SETD1B: variants seen among roughly 807,000 people sequenced by gnomAD.
SETD1B encodes the protein SET domain containing 1B, histone lysine methyltransferase, also known as histone-lysine N-methyltransferase SETD1B.
Under a neutral mutation model 148.0 loss-of-function variants are expected in SETD1B, and 7 were observed. The observed-to-expected ratio is 0.05, with a 90% CI of 0.03 to 0.09. The LOEUF is 0.09. Among genes scored for constraint, SETD1B ranks in the 10% least tolerant of loss-of-function variants. The probability of loss-of-function intolerance (pLI) is 1.00; values close to 1 mark genes in which losing one functional copy is unlikely to be tolerated. For synonymous variants in SETD1B, 1,361 were observed against 1,186.5 expected, an observed-to-expected ratio of 1.15 and a Z score of -3.02; for missense variants, 2,155 against 2,729.9, an observed-to-expected ratio of 0.79 and a Z score of 4.69.
rs1246337398 is a variant in SETD1B at position 121,817,501 on chromosome 12, G to A, written c.3109G>A (p.Glu1037Lys). Residue 1037 changes from glutamate (E) to lysine (K), a missense_variant, in exon 9 of 17, where the codon GAG becomes AAG. By Grantham distance (56) the Glu-to-Lys change is moderately conservative (BLOSUM62 1). This residue lies in a region of SETD1B where 289 missense variants were observed against 423.7 expected (regional missense o/e 0.68). Coordinates refer to ENST00000604567, the MANE Select transcript of SETD1B (RefSeq NM_001353345.2). The surrounding 1 kb of genome is among the most constrained non-coding windows in gnomAD (Gnocchi z 8.1). ...LELDSGGEED[E>K]KESLSASSSS... ...GCTGGACAGTGGTGGGGAGGAGGAC[G>A]AGAAGGAGTCATTGTCGGCGTCCTC... 11 of 1,551,166 alleles carry A rather than the reference G, an allele frequency of 7.1e-6. No individual in the cohort carries two copies. The African/African-American group carries it at 9.6e-5, about 14-fold the overall frequency.
At chr12:121,822,453 A>C (rs1876603131) in intron 11 of SETD1B, 37 bp from the exon 12 acceptor site, 4 of 1,497,834 alleles carry the variant, frequency 2.7e-6, no homozygotes, top group Admixed American at 2.2e-5. Context: ...GTTTGGATTG[A>C]ATAGTAAATG....
chr12:121,810,924 A>G lies in SETD1B; in HGVS notation c.1890+89A>G. 7.1e-7 allele frequency: 1 copy of G among 1,406,478 alleles called. No homozygotes were observed. Among genetic ancestry groups the G allele is most frequent in the Non-Finnish European group, 9.4e-7 (1 of 1,064,122 alleles). 87.1% of individuals were successfully genotyped at this position (1,406,478 alleles called of 1,614,324 possible). A position where few individuals can be genotyped will look rare whatever the true frequency, so the allele number is the denominator to read the frequency against. On this transcript the variant is annotated intron_variant, in intron 6 of 16. Transcript: ENST00000604567. The surrounding 1 kb of genome is among the most constrained non-coding windows in gnomAD (Gnocchi z 7.6). ...CTTCAAGCATTTAGCATGACTAGCT[A>G]AGATGCGGAAGCAATGGGGCTAGGA...
At chr12:121,813,660 C>G (rs1213882601) in intron 6 of SETD1B, among the ~76,000 whole-genome samples, 1 of 152,240 alleles carries the variant, frequency 6.6e-6, no homozygotes, top group Non-Finnish European at 1.5e-5. Context: ...TTTCTGCACA[C>G]AAGTTGCAAC....
chr12:121,809,748 C>G lies in SETD1B; in HGVS notation c.803C>G (p.Ser268Cys), dbSNP rs1360358685. 10 of 1,551,490 alleles carry G rather than the reference C, an allele frequency of 6.4e-6. No individual in the cohort carries two copies. Among genetic ancestry groups the G allele is most frequent in the Non-Finnish European group, 7.8e-6 (9 of 1,146,992 alleles). ...YSSCRLDTPN[S>C]YGQGTPLTPR... The stretch of plus-strand genomic sequence containing the variant: ...AGCTGCCGCCTGGACACACCCAACT[C>G]CTATGGACAGGGCACCCCGCTCACA... Residue 268 changes from serine to cysteine, a missense_variant, in exon 6 of 17, where the codon TCC becomes TGC. Ser to Cys is a moderately radical substitution (Grantham distance 112). This residue lies in a region of SETD1B where 376 missense variants were observed against 385.0 expected (regional missense o/e 0.98). Coordinates refer to ENST00000604567, the MANE Select transcript of SETD1B (RefSeq NM_001353345.2).
rs900339662 is a variant in SETD1B at position 121,808,707 on chromosome 12, C to T, written c.657+387C>T. Among the ~76,000 whole-genome samples, 1 of 152,206 alleles carries T rather than the reference C, an allele frequency of 6.6e-6. No homozygotes were observed. Among genetic ancestry groups the T allele is most frequent in the Non-Finnish European group, 1.5e-5 (1 of 68,036 alleles). Reference sequence around the variant, plus strand: ...CTGGGCATGCCACTACCCCTAAACCCAGAAACCAGAGTTCATGCCCTGCCT... The same window carrying T: ...CTGGGCATGCCACTACCCCTAAACCTAGAAACCAGAGTTCATGCCCTGCCT... On this transcript the variant is annotated intron_variant, in intron 5 of 16. Coordinates refer to ENST00000604567, the MANE Select transcript of SETD1B (RefSeq NM_001353345.2). The surrounding 1 kb of genome is among the most constrained non-coding windows in gnomAD (Gnocchi z 5.3).
rs545213878 is a variant in SETD1B at position 121,830,326 on chromosome 12, G to T, written c.*87G>T. 1.5e-6 allele frequency: 2 copies of T among 1,328,152 alleles called. No individual in the cohort carries two copies. Among genetic ancestry groups the T allele is most frequent in the African/African-American group, 1.5e-5 (1 of 67,682 alleles). The allele number at this position is 1,328,152 out of a possible 1,614,324, so 82.3% of individuals were successfully genotyped here. On this transcript the variant is annotated 3_prime_UTR_variant, in exon 17 of 17. Coordinates refer to ENST00000604567, the MANE Select transcript of SETD1B (RefSeq NM_001353345.2). The surrounding 1 kb of genome is among the most constrained non-coding windows in gnomAD (Gnocchi z 5.7). The stretch of plus-strand genomic sequence containing the variant: ...CTGGCCCCGGGGCCCGGCCCCCCGC[G>T]CCCGCCCCCATTTCAGGTGCTGTCC...
rs977040584 is a variant in SETD1B, at chr12:121,817,741, C to T, written c.3312+37C>T. ...GCCAGGAAGCCTCAGGGGGCCGGGC[C>T]AGGCGACGAGGGCCAGACCCTTCGG... On this transcript the variant is annotated intron_variant, in intron 9 of 16. Transcript: ENST00000604567. This position sits in a 1 kb window ranked among gnomAD's most constrained non-coding sequence, Gnocchi z 8.1. 1.0e-5 allele frequency: 16 copies of T among 1,536,644 alleles called. No homozygotes were observed. The African/African-American group carries it at 2.2e-4, about 21-fold the overall frequency.
rs1457265572 is a variant in SETD1B at position 121,804,450 on chromosome 12, G to A, written c.-15+217G>A. ...GGGCCGGAGTCCGCGTCCTCCGGGC[G>A]CCCCGGGCCCCGCCAGCCCGCCCAG... is the stretch of plus-strand genomic sequence containing the variant. On this transcript the variant is annotated intron_variant, in intron 1 of 16. Transcript: ENST00000604567. The surrounding 1 kb of genome is among the most constrained non-coding windows in gnomAD (Gnocchi z 4.6). 6.7e-6 allele frequency among the ~76,000 whole-genome samples: 1 copy of A among 150,046 alleles called. No individual in the cohort carries two copies.
intron 5 of SETD1B, among the ~76,000 whole-genome samples, chr12:121,809,340 T>A (rs1875899975): frequency 6.6e-6 from 1 of 152,310 alleles, no homozygotes; most frequent in African/African-American, 2.4e-5. Context: ...ACCAAGATGT[T>A]ACAGTCTTCT....
upstream of SETD1B, chr12:121,800,590 G>A (rs1269593164): frequency 6.6e-6 from 1 of 151,380 alleles, no homozygotes; most frequent in Non-Finnish European, 1.5e-5. Context: ...AAGCGGTCCG[G>A]GGCGAGGCCT....
At chr12:121,807,205 G>A (rs532552729) in intron 4 of SETD1B, among the ~76,000 whole-genome samples, 1 of 152,124 alleles carries the variant, frequency 6.6e-6, no homozygotes, top group Admixed American at 6.5e-5. Context: ...CACACTTGCC[G>A]AGCCTGTGCC....
chr12:121,793,468 C>G, the SETD1B span: 2 of 1,538,660 alleles, frequency 1.3e-6, no homozygotes, highest in Non-Finnish European at 1.7e-6. Context: ...GTCCCTCGCC[C>G]CCACCCCAGC....
chr12:121,814,659 C>A lies in SETD1B; in HGVS notation c.2444C>A (p.Pro815Gln), dbSNP rs1420032279. ...ASAGLQFVNL[P>Q]PYRGPFSLSN... Reference sequence around the variant, plus strand: ...GCTGGGCTCCAGTTTGTCAACCTGCCGCCCTACCGGGGCCCCTTCTCCCTG... The same window carrying A: ...GCTGGGCTCCAGTTTGTCAACCTGCAGCCCTACCGGGGCCCCTTCTCCCTG... Residue 815 changes from proline to glutamine, a missense_variant, in exon 7 of 17, where the codon CCG becomes CAG. Around this residue, in one of 11 missense-constraint regions of SETD1B, gnomAD observed 289 missense variants for 423.7 expected, o/e 0.68. Transcript: ENST00000604567. 10 of 1,548,982 alleles carry A rather than the reference C, an allele frequency of 6.5e-6. No homozygotes were observed. The highest frequency in any genetic ancestry group is 8.7e-6 in the Non-Finnish European group (10 of 1,146,250).
Position 121,817,592 on chromosome 12 carries a change from A to G in SETD1B, c.3200A>G (p.Lys1067Arg). 5 of 1,550,274 alleles carry G rather than the reference A, an allele frequency of 3.2e-6. No homozygotes were observed. The highest frequency in any genetic ancestry group is 4.4e-6 in the Non-Finnish European group (5 of 1,146,096). The change falls in exon 9 of 17, where the codon AAG becomes AGG. Residue 1067 changes from lysine to arginine, a missense_variant. By Grantham distance (26) the Lys-to-Arg change is conservative. Around this residue, in one of 11 missense-constraint regions of SETD1B, gnomAD observed 862 missense variants for 873.8 expected, o/e 0.99. Coordinates refer to ENST00000604567, the MANE Select transcript of SETD1B (RefSeq NM_001353345.2). This position sits in a 1 kb window ranked among gnomAD's most constrained non-coding sequence, Gnocchi z 8.1. The stretch of plus-strand genomic sequence containing the variant: ...TCACCCTCGTCCTCGGCCTCCGACA[A>G]GGAGGAGGAACAGGAGAGCACCGAG... ...TTSPSSSASDKEEEQESTEEE... is the reference protein window; with the variant it reads ...TTSPSSSASDREEEQESTEEE...
Position 121,819,887 on chromosome 12 carries a change from G to A in SETD1B, c.3902G>A (p.Arg1301Gln), listed in dbSNP as rs902806593. 1.2e-4 allele frequency: 193 copies of A among 1,550,010 alleles called. No individual in the cohort carries two copies. Among genetic ancestry groups the A allele is most frequent in the Non-Finnish European group, 1.6e-4 (182 of 1,146,552 alleles). The stretch of plus-strand genomic sequence containing the variant: ...GCTCGACCCCCATTGTCCCCTGAGC[G>A]AGCTCCAGGTAACACCTGCAACCCC... ...VEARPPLSPERAPEHDLEVEP... is the reference protein window; with the variant it reads ...VEARPPLSPEQAPEHDLEVEP... The change falls in exon 11 of 17, where the codon CGA (arginine) becomes CAA (glutamine). Residue 1301 changes from arginine to glutamine, a missense_variant. By Grantham distance (43) the Arg-to-Gln change is conservative (BLOSUM62 1). Transcript: ENST00000604567.
chr12:121,822,664 A>T lies in SETD1B; in HGVS notation c.4085A>T (p.His1362Leu). ...PEPLAEDHPPHTPGLCGSLAK... is the reference protein window; with the variant it reads ...PEPLAEDHPPLTPGLCGSLAK... Reference sequence around the variant, plus strand: ...CCCCTTGCCGAGGACCACCCCCCGCATACTCCAGGCCTCTGTGGCAGCCTG... The same window carrying T: ...CCCCTTGCCGAGGACCACCCCCCGCTTACTCCAGGCCTCTGTGGCAGCCTG... Residue 1362 changes from histidine (H) to leucine (L), a missense_variant, in exon 12 of 17, where the codon CAT becomes CTT. This residue lies in a region of SETD1B where 862 missense variants were observed against 873.8 expected (regional missense o/e 0.99). Transcript: ENST00000604567. The T allele has an allele frequency of 6.5e-7, 1 of 1,550,056 alleles. No homozygotes were observed. Among genetic ancestry groups the T allele is most frequent in the Non-Finnish European group, 8.7e-7 (1 of 1,146,086 alleles).
Position 121,827,828 on chromosome 12 carries a change from G to A in SETD1B, c.5563G>A (p.Glu1855Lys). Reference protein sequence around the residue: ...EPIAADEMVIEYVGQNIRQVI... With the variant: ...EPIAADEMVIKYVGQNIRQVI... ...CATCGCGGCTGACGAGATGGTCATC[G>A]AGTACGTGGGCCAGAATATCCGTCA... The change falls in exon 15 of 17, where the codon GAG becomes AAG. Residue 1855 changes from glutamate to lysine, a missense_variant. Physicochemically the swap from Glu to Lys is moderately conservative, Grantham distance 56. Coordinates refer to ENST00000604567, the MANE Select transcript of SETD1B (RefSeq NM_001353345.2). 6.4e-7 allele frequency: 1 copy of A among 1,560,358 alleles called. No homozygotes were observed. Among genetic ancestry groups the A allele is most frequent in the Non-Finnish European group, 8.7e-7 (1 of 1,151,434 alleles).
In SETD1B at chr12:121,822,435, T is replaced by C. The variant is rs559624920; in HGVS notation, c.3911-55T>C. ...AGGTATGGAGCACAAAATAAGGCAC[T>C]GAGAGACGTTTGGATTGAATAGTAA... On this transcript the variant is annotated intron_variant, in intron 11 of 16. Transcript: ENST00000604567. 56 of 1,479,732 alleles carry C rather than the reference T, an allele frequency of 3.8e-5. No homozygotes were observed. The South Asian group carries it at 6.1e-4, about 16-fold the overall frequency. 91.7% of individuals were successfully genotyped at this position (1,479,732 alleles called of 1,614,324 possible).
chr12:121,819,119 C>T (rs1484249958), intron 10 of SETD1B, among the ~76,000 whole-genome samples: 1 of 151,992 alleles, frequency 6.6e-6, no homozygotes, highest in East Asian at 1.9e-4. Context: ...TGGTGCATGC[C>T]TGTAATCCCA....
Sources: gnomAD v4.1 joint callset for allele counts (sites outside exome capture counted in the v4.1 genomes callset) on GRCh38, gnomAD v4.1.1 for gene constraint, gnomAD v4.1.1 regional missense constraint, Gnocchi (gnomAD v3.1) non-coding constraint, MANE v1.5 for transcripts, NCBI Gene and HGNC (gene_info 2026-07-23, HGNC 2026-07-21) for gene names.